CHM: variants seen among roughly 807,000 people sequenced by gnomAD.
CHM encodes the protein rab proteins geranylgeranyltransferase component A 1.
Under a neutral mutation model 49.0 loss-of-function variants are expected in CHM, and 10 were observed. The observed-to-expected ratio is 0.20, with a 90% CI of 0.13 to 0.35. The LOEUF is 0.35. CHM is among the 10% of genes least tolerant of loss of function. CHM has a pLI of 1.00. For missense variants in CHM, 455 were observed against 478.4 expected, an observed-to-expected ratio of 0.95 and a Z score of 0.46; for synonymous variants, 184 against 167.5, an observed-to-expected ratio of 1.10 and a Z score of -0.76.
At position 85,901,161 on chromosome X, in the gene CHM, A is replaced by G. The variant is rs764033800; in HGVS notation, c.1272T>C (p.Gly424=). 1.3e-5 allele frequency: 16 copies of G among 1,187,815 alleles called. No individual in the cohort carries two copies. The highest frequency in any genetic ancestry group is 2.3e-4 in the Middle Eastern group (1 of 4,306). Residue 424 remains glycine (G), a synonymous_variant, in exon 10 of 15, where the codon GGT becomes GGC. Coordinates refer to ENST00000357749, the MANE Select transcript of CHM (RefSeq NM_000390.4). ...GGAAATGCTCAGAGATTATTCTCTG[A>G]CCAAACTGATCTATAATTGCTTTAC... is the stretch of plus-strand genomic sequence containing the variant. ...RKCKAIIDQF[G]QRIISEHFLV... is the part of the protein sequence containing the mutation.
chrX:85,923,546 C>T (rs1231445937), intron 8 of CHM, among the ~76,000 whole-genome samples: 2 of 112,072 alleles, frequency 1.8e-5, no homozygotes, highest in Non-Finnish European at 3.8e-5. Context: ...CTGATGGCAA[C>T]AAGCAACAAC....
chrX:85,888,183 G>C (rs111259269), intron 12 of CHM, among the ~76,000 whole-genome samples: 2 of 110,242 alleles, frequency 1.8e-5, no homozygotes, highest in African/African-American at 6.6e-5. Flanking sequence ...CATGGGCCAG[G>C]CCAGGGCCCC....
chrX:85,913,335 AGAAAGAAAG>A (rs1197231074), intron 8 of CHM, among the ~76,000 whole-genome samples: 2 of 62,885 alleles, frequency 3.2e-5, no homozygotes, highest in African/African-American at 1.2e-4. Context: ...AAAAAAAAAA[AGAAAGAAAG>A]AAAGAAAGAA....
rs1051307182 is a variant in CHM at position 85,861,931 on chromosome X, G to T, written c.*2699C>A. 1 of 111,736 alleles carries T rather than the reference G, an allele frequency of 8.9e-6. No homozygotes were observed. Among genetic ancestry groups the T allele is most frequent in the Non-Finnish European group, 1.9e-5 (1 of 53,070 alleles). 9.2% of individuals were successfully genotyped at this position (111,736 alleles called of 1,213,427 possible). On this transcript the variant is annotated 3_prime_UTR_variant, in exon 15 of 15. Transcript: ENST00000357749. ...TTTCAAGCTTAAGGTTTTATAACAAGACTTTTCTTTTTGATTTAAAACTAT... is the reference window on the plus strand; with the variant it reads ...TTTCAAGCTTAAGGTTTTATAACAATACTTTTCTTTTTGATTTAAAACTAT...
chrX:85,865,325 C>A (rs997492853), intron 14 of CHM, among the ~76,000 whole-genome samples: 3 of 111,310 alleles, frequency 2.7e-5, no homozygotes, highest in African/African-American at 9.8e-5. Flanking sequence ...TTTAGCAGTT[C>A]CCCCTTTTCT....
intron 8 of CHM, among the ~76,000 whole-genome samples, chrX:85,932,886 G>A (rs1038696813): frequency 1.8e-5 from 2 of 112,045 alleles, no homozygotes; most frequent in African/African-American, 6.5e-5. Flanking sequence ...CAAGATATGT[G>A]ACAGTAGCAG....
rs1234043003 is a variant in CHM at position 85,956,221 on chromosome X, C to A, written c.1098G>T (p.Gly366=). ...KATKNFLHCL[G]RYGNTPFLFP... is the part of the protein sequence containing the mutation. ...ACAAAAATGGAGTGTTGCCATACCGCCCAAGACAGTGAAGAAAGTTTTTGG... is the reference window on the plus strand; with the variant it reads ...ACAAAAATGGAGTGTTGCCATACCGACCAAGACAGTGAAGAAAGTTTTTGG... The change falls in exon 8 of 15, where the codon GGG becomes GGT. Residue 366 remains glycine, a synonymous_variant. Transcript: ENST00000357749. The A allele has an allele frequency of 1.7e-6, 2 of 1,211,188 alleles. No individual in the cohort carries two copies. Among genetic ancestry groups the A allele is most frequent in the East Asian group, 3.0e-5 (1 of 33,796 alleles).
chrX:85,980,678 G>A (rs1412555898), intron 3 of CHM, among the ~76,000 whole-genome samples: 1 of 111,543 alleles, frequency 9.0e-6, no homozygotes, highest in Non-Finnish European at 1.9e-5. Context: ...TCTGTATGAT[G>A]CTCTCAGCAG....
chrX:85,948,993 A>C (rs1929570945), intron 8 of CHM, among the ~76,000 whole-genome samples: 1 of 111,795 alleles, frequency 8.9e-6, no homozygotes, highest in South Asian at 3.7e-4. Context: ...AGAATTACCC[A>C]GAAGTTTAAT....
At chrX:86,027,258 T>C (rs1933864136) in intron 2 of CHM, 1 of 332,053 alleles carries the variant, frequency 3.0e-6, no homozygotes, top group Non-Finnish European at 5.0e-6. Flanking sequence ...AATAAAATGA[T>C]GCATTTGGTT....
At chrX:85,937,780 G>A (rs1246028873) in intron 8 of CHM, among the ~76,000 whole-genome samples, 3 of 106,962 alleles carry the variant, frequency 2.8e-5, no homozygotes, top group African/African-American at 1.0e-4. Context: ...TGAGGCAGAG[G>A]TTGCAGTGAG....
chrX:85,937,301 A>C (rs897084226), intron 8 of CHM, among the ~76,000 whole-genome samples: 1 of 109,344 alleles, frequency 9.1e-6, no homozygotes, highest in Non-Finnish European at 1.9e-5. Flanking sequence ...TAATAATACT[A>C]TCTTTCAGTT....
chrX:85,870,735 G>A (rs369008448), intron 14 of CHM, among the ~76,000 whole-genome samples: 101 of 111,398 alleles, frequency 9.1e-4, no homozygotes, highest in African/African-American at 3.2e-3. Flanking sequence ...AAACAAAACT[G>A]AAATACAAAA....
rs868544383 is a variant in CHM, at chrX:85,913,344, G to A, written c.1167-2006C>T. ...AAAAAAAAAAAAAAAAAGAAAGAAA[G>A]AAAGAAAGAAAGAAAGAAAGAAAGA... On this transcript the variant is annotated intron_variant, in intron 8 of 14. Transcript: ENST00000357749. 4.5e-4 allele frequency among the ~76,000 whole-genome samples: 25 copies of A among 55,420 alleles called. 1 individual carries two copies. Among genetic ancestry groups the A allele is most frequent in the Admixed American group, 7.9e-4 (4 of 5,067 alleles). The allele number at this position is 55,420 out of a possible 115,157, so 48.1% of individuals were successfully genotyped here. A position where few individuals can be genotyped will look rare whatever the true frequency, so the allele number is the denominator to read the frequency against.
chrX:85,998,721 T>C (rs1014290499), intron 2 of CHM, among the ~76,000 whole-genome samples: 1 of 111,086 alleles, frequency 9.0e-6, no homozygotes, highest in Non-Finnish European at 1.9e-5. Flanking sequence ...TATCGCATAC[T>C]GTTTGCCCAA....
At chrX:85,873,550 T>C (rs1924230953) in intron 13 of CHM, among the ~76,000 whole-genome samples, 1 of 111,592 alleles carries the variant, frequency 9.0e-6, no homozygotes, top group African/African-American at 3.3e-5. Context: ...ATAAATTATA[T>C]AGTTATTCAA....
rs1432601178 is a variant in CHM, at chrX:85,864,455, G to T, written c.*175C>A. The T allele has an allele frequency of 2.1e-6, 1 of 469,652 alleles. No homozygotes were observed. The allele number at this position is 469,652 out of a possible 1,213,427, so 38.7% of individuals were successfully genotyped here. ...GAGCAAGTCAATGTGCTTTATAAGT[G>T]TTGTGTGTTCTTGGAATGTCCTCTA... On this transcript the variant is annotated 3_prime_UTR_variant, in exon 15 of 15. Transcript: ENST00000357749.
chrX:86,007,727 G>C (rs1285675590), intron 2 of CHM, among the ~76,000 whole-genome samples: 1 of 112,308 alleles, frequency 8.9e-6, no homozygotes, highest in Non-Finnish European at 1.9e-5. Context: ...ATACCAGTTA[G>C]AATGGCAATC....
intron 13 of CHM, among the ~76,000 whole-genome samples, chrX:85,875,587 G>A (rs755497613): frequency 8.9e-6 from 1 of 111,797 alleles, no homozygotes; most frequent in Non-Finnish European, 1.9e-5. Flanking sequence ...AATACCAGCA[G>A]AGTGGTGGAG....
Sources: allele counts gnomAD v4.1 joint callset (sites outside exome capture counted in the v4.1 genomes callset), GRCh38; gene constraint gnomAD v4.1.1; transcripts MANE v1.5; gene names NCBI Gene and HGNC (gene_info 2026-07-23, HGNC 2026-07-21).